The following NLRP4 variants were observed in gnomAD, a reference collection of about 807,000 sequenced individuals.
NLRP4 encodes the protein NLR family pyrin domain containing 4.
NLRP4 carries 44 observed loss-of-function variants against 84.7 expected under a neutral mutation model. That is an observed-to-expected ratio of 0.52 (90% CI 0.41 to 0.67). NLRP4 has a LOEUF of 0.67. NLRP4 is among the 30% of genes least tolerant of loss of function. The pLI is 0.00. For missense variants in NLRP4, 1,260 were observed against 1,219.4 expected, an observed-to-expected ratio of 1.03 and a Z score of -0.50; for synonymous variants, 544 against 476.4, an observed-to-expected ratio of 1.14 and a Z score of -1.85.
intron 1 of NLRP4, among the ~76,000 whole-genome samples, chr19:55,850,651 G>A (rs1984063070): frequency 7.8e-6 from 1 of 127,742 alleles, no homozygotes; most frequent in Non-Finnish European, 1.6e-5. Context: ...TGTAATGTCC[G>A]AGGCTGCGGT....
In NLRP4 at chr19:55,858,759, C is replaced by A; in HGVS notation, c.1366C>A (p.Gln456Lys). Reference protein sequence around the residue: ...SSYVFLHVCIQEFCAALFYLL... With the variant: ...SSYVFLHVCIKEFCAALFYLL... Reference sequence around the variant, plus strand: ...CTACGTGTTCCTCCACGTGTGTATCCAGGAGTTCTGTGCCGCCTTGTTCTA... The same window carrying A: ...CTACGTGTTCCTCCACGTGTGTATCAAGGAGTTCTGTGCCGCCTTGTTCTA... Residue 456 changes from glutamine to lysine, a missense_variant, in exon 3 of 10, where the codon CAG becomes AAG. Coordinates refer to ENST00000301295, the MANE Select transcript of NLRP4 (RefSeq NM_134444.5). The surrounding 1 kb of genome is among the most constrained non-coding windows in gnomAD (Gnocchi z 4.2). The A allele has an allele frequency of 6.2e-7, 1 of 1,614,122 alleles. No homozygotes were observed. The highest frequency in any genetic ancestry group is 8.5e-7 in the Non-Finnish European group (1 of 1,180,032).
intron 1 of NLRP4, among the ~76,000 whole-genome samples, chr19:55,851,027 G>A (rs1477458536): frequency 2.8e-5 from 3 of 108,688 alleles, no homozygotes; most frequent in Non-Finnish European, 5.1e-5. Context: ...GCGGTGTAAT[G>A]TCCGAGGCTG....
intron 8 of NLRP4, among the ~76,000 whole-genome samples, chr19:55,877,646 C>T (rs775922118): frequency 1.4e-4 from 22 of 152,106 alleles, no homozygotes; most frequent in Non-Finnish European, 2.9e-4. Flanking sequence ...AGTCTGAGAT[C>T]AAAGTGTCAG....
At chr19:55,871,938 C>T (rs1232266524) in intron 7 of NLRP4, among the ~76,000 whole-genome samples, 3 of 151,730 alleles carry the variant, frequency 2.0e-5, no homozygotes, top group African/African-American at 7.3e-5. Context: ...CAAGTGCTGC[C>T]TCCCGGGTTC....
chr19:55,850,004 G>GATTTCCGTAGCTGCGGTGTA (rs1983989140), intron 1 of NLRP4, among the ~76,000 whole-genome samples: 1 of 28,288 alleles, frequency 3.5e-5, no homozygotes, highest in African/African-American at 7.4e-5. Flanking sequence ...ACTGCGGTGT[G>GATTTCCGTAGCTGCGGTGTA]ATTTCCGAGA....
chr19:55,863,292 G>A (rs181757971), intron 5 of NLRP4, among the ~76,000 whole-genome samples: 55 of 152,264 alleles, frequency 3.6e-4, no homozygotes, highest in African/African-American at 1.1e-3. Context: ...GTATTCACAC[G>A]TTCTCGCGCT....
At chr19:55,844,817 G>T (rs944604786) in intron 1 of NLRP4, among the ~76,000 whole-genome samples, 1 of 152,096 alleles carries the variant, frequency 6.6e-6, no homozygotes, top group Non-Finnish European at 1.5e-5. Flanking sequence ...ACATACATTG[G>T]ATGCAGAAAA....
chr19:55,851,034 G>T (rs1984106242), intron 1 of NLRP4, among the ~76,000 whole-genome samples: 2 of 131,722 alleles, frequency 1.5e-5, no homozygotes, highest in Non-Finnish European at 3.1e-5. Flanking sequence ...AATGTCCGAG[G>T]CTGCGGTGTA....
chr19:55,879,126 T>TA (rs1377861719), intron 9 of NLRP4, among the ~76,000 whole-genome samples, 162 bp downstream of exon 9: 1 of 152,170 alleles, frequency 6.6e-6, no homozygotes, highest in Non-Finnish European at 1.5e-5. Flanking sequence ...ATAAAACTCT[T>TA]ACCACAGTAA....
intron 2 of NLRP4, among the ~76,000 whole-genome samples, chr19:55,855,524 A>G (rs1984376961): frequency 6.6e-6 from 1 of 152,232 alleles, no homozygotes; most frequent in Admixed American, 6.5e-5. Context: ...TAGGGACTTC[A>G]GGGGACTGAA....
At chr19:55,859,926 C>CAAAAAAAAAAAAAAAAAAA (rs1166037425) in intron 3 of NLRP4, among the ~76,000 whole-genome samples, 1 of 17,500 alleles carries the variant, frequency 5.7e-5, no homozygotes, top group African/African-American at 2.2e-4. Context: ...CTCTCATCTC[C>CAAAAAAAAAAAAAAAAAAA]AAAAAAAAAA....
In NLRP4 at chr19:55,866,085, G is replaced by A. The variant is rs374246727; in HGVS notation, c.2187-1624G>A. ...GTCTCACTCTGTCACCCAGGCTGGA[G>A]TGCAGTGGTACAATCTCAGTTCACT... On this transcript the variant is annotated intron_variant, in intron 5 of 9. Coordinates refer to ENST00000301295, the MANE Select transcript of NLRP4 (RefSeq NM_134444.5). Among the ~76,000 whole-genome samples the A allele has an allele frequency of 7.8e-3, 1,194 of 152,142 alleles. 15 individuals are homozygous for A. The highest frequency in any genetic ancestry group is 0.035 in the South Asian group (168 of 4,820).
At chr19:55,857,611 A>G (rs748755386) in intron 2 of NLRP4, 63 bp from the exon 3 acceptor site, 3 of 1,507,834 alleles carry the variant, frequency 2.0e-6, no homozygotes, top group Non-Finnish European at 2.7e-6. Context: ...AGAAGAAAAA[A>G]AGAATATATG....
intron 1 of NLRP4, among the ~76,000 whole-genome samples, chr19:55,849,893 G>GAATTT (rs1568658020): frequency 6.8e-5 from 1 of 14,688 alleles, no homozygotes; most frequent in African/African-American, 2.3e-4. Context: ...AATTTCCGTG[G>GAATTT]CCGGCGGTGT....
chr19:55,880,172 T>C (rs892177883), intron 9 of NLRP4, among the ~76,000 whole-genome samples: 1 of 17,998 alleles, frequency 5.6e-5, no homozygotes, highest in Non-Finnish European at 1.3e-4. Context: ...CATTCACTGA[T>C]TTTTTTTTTT....
chr19:55,874,737 A>AT (rs1179660425), intron 7 of NLRP4, among the ~76,000 whole-genome samples: 1 of 152,082 alleles, frequency 6.6e-6, no homozygotes, highest in Non-Finnish European at 1.5e-5. Context: ...ACTCCCCACC[A>AT]TTTTTTGTGG....
intron 9 of NLRP4, among the ~76,000 whole-genome samples, chr19:55,881,169 C>CGTGTG (rs1555811548): frequency 2.7e-5 from 1 of 37,272 alleles, no homozygotes; most frequent in Non-Finnish European, 6.5e-5. Context: ...GTGTGTGTAC[C>CGTGTG]TGTCTTTGTA....
intron 9 of NLRP4, among the ~76,000 whole-genome samples, chr19:55,880,049 C>A (rs1014974681): frequency 2.6e-5 from 4 of 151,930 alleles, no homozygotes; most frequent in Non-Finnish European, 2.9e-5. Context: ...TTTTCCCCTA[C>A]TGTTTTCAAA....
intron 1 of NLRP4, among the ~76,000 whole-genome samples, chr19:55,844,924 TC>T (rs1308462486): frequency 6.6e-6 from 1 of 151,994 alleles, no homozygotes; most frequent in African/African-American, 2.4e-5. Context: ...TATTTAAAGT[TC>T]CATCTGTAGC....
Sources: gnomAD v4.1 joint callset for allele counts (sites outside exome capture counted in the v4.1 genomes callset) on GRCh38, gnomAD v4.1.1 for gene constraint, Gnocchi (gnomAD v3.1) non-coding constraint, MANE v1.5 for transcripts, NCBI Gene and HGNC (gene_info 2026-07-23, HGNC 2026-07-21) for gene names.